HTR1F: variants seen among roughly 807,000 people sequenced by gnomAD.
The protein encoded by HTR1F is 5-hydroxytryptamine (serotonin) receptor 1F, G protein-coupled.
HTR1F carries 17 observed loss-of-function variants against 24.0 expected under a neutral mutation model. The ratio of observed to expected loss-of-function variants is 0.71; its 90% CI spans 0.48 to 1.06. The LOEUF is 1.06. HTR1F is among the 50% of genes least tolerant of loss of function. The pLI, the probability that HTR1F is intolerant of heterozygous loss-of-function variation, is 0.00. For synonymous variants in HTR1F, 186 were observed against 156.8 expected (o/e 1.19, Z -1.39); for missense variants, 391 against 427.8 (o/e 0.91, Z 0.76).
At chr3:87,932,304 C>T (rs1704296579) in intron 2 of HTR1F, among the ~76,000 whole-genome samples, 1 of 152,046 alleles carries the variant, frequency 6.6e-6, no homozygotes, top group Non-Finnish European at 1.5e-5. Flanking sequence ...AATAGGGAAT[C>T]CTTTCCCTAT....
intron 1 of HTR1F, among the ~76,000 whole-genome samples, chr3:87,793,906 C>T (rs1703858450): frequency 6.6e-6 from 1 of 151,482 alleles, no homozygotes; most frequent in African/African-American, 2.4e-5. Context: ...AACCTCTCCC[C>T]CATATTCTGG....
chr3:87,978,603 C>G (rs1705451419), intron 2 of HTR1F, among the ~76,000 whole-genome samples: 1 of 151,946 alleles, frequency 6.6e-6, no homozygotes, highest in Non-Finnish European at 1.5e-5. Flanking sequence ...GGCAGGTCAT[C>G]CTGACATTTG....
intron 2 of HTR1F, among the ~76,000 whole-genome samples, chr3:87,850,547 T>G (rs1279447875): frequency 6.6e-6 from 1 of 151,756 alleles, no homozygotes; most frequent in Non-Finnish European, 1.5e-5. Context: ...ACATAGCACA[T>G]GTATACATAT....
intron 2 of HTR1F, among the ~76,000 whole-genome samples, chr3:87,845,975 G>T (rs935379485): frequency 4.0e-5 from 6 of 151,838 alleles, no homozygotes; most frequent in African/African-American, 1.5e-4. Flanking sequence ...CAACAGACAG[G>T]CAATTCTTTA....
In HTR1F at chr3:87,898,108, G is replaced by C. The variant is rs576981295; in HGVS notation, c.-43+75984G>C. 2.6e-5 allele frequency among the ~76,000 whole-genome samples: 4 copies of C among 152,272 alleles called. No homozygotes were observed. The South Asian group carries it at 8.3e-4, about 32-fold the overall frequency. ...TACAACTAGATGGATAGTTGGATGGGTGTAGGTAAGACAGAGTGGAAATCC... is the reference window on the plus strand; with the variant it reads ...TACAACTAGATGGATAGTTGGATGGCTGTAGGTAAGACAGAGTGGAAATCC... On this transcript the variant is annotated intron_variant, in intron 2 of 2. Transcript: ENST00000319595.
chr3:87,905,742 A>C (rs1352301593), intron 2 of HTR1F, among the ~76,000 whole-genome samples: 1 of 152,134 alleles, frequency 6.6e-6, no homozygotes, highest in Non-Finnish European at 1.5e-5. Context: ...TAGCAAAAAA[A>C]AAAAAAATGG....
intron 2 of HTR1F, among the ~76,000 whole-genome samples, chr3:87,953,131 A>C (rs1383117487): frequency 6.6e-6 from 1 of 151,834 alleles, no homozygotes; most frequent in Admixed American, 6.6e-5. Flanking sequence ...ATTTCAGGAC[A>C]TTAGTCTAAG....
At chr3:87,911,018 G>A (rs1703767243) in intron 2 of HTR1F, among the ~76,000 whole-genome samples, 1 of 151,886 alleles carries the variant, frequency 6.6e-6, no homozygotes, top group South Asian at 2.1e-4. Context: ...CATCAAAAAA[G>A]TGAGAATAAT....
intron 2 of HTR1F, among the ~76,000 whole-genome samples, chr3:87,954,470 C>T (rs554057546): frequency 6.6e-6 from 1 of 151,704 alleles, no homozygotes; most frequent in Admixed American, 6.6e-5. Context: ...TTAGATTAAA[C>T]CTGTTCTAAG....
At chr3:87,881,511 G>A (rs1303788647) in intron 2 of HTR1F, among the ~76,000 whole-genome samples, 2 of 152,092 alleles carry the variant, frequency 1.3e-5, no homozygotes, top group African/African-American at 4.8e-5. Flanking sequence ...GGGAATGGCT[G>A]AAAAAAAGGC....
chr3:87,988,806 T>C lies in HTR1F; in HGVS notation c.-42-1902T>C, dbSNP rs541092802. On this transcript the variant is annotated intron_variant, in intron 2 of 2. Coordinates refer to ENST00000319595, the MANE Select transcript of HTR1F (RefSeq NM_001322209.2). The stretch of plus-strand genomic sequence containing the variant: ...GTTGGCCAGGATGGTCTTGAACTCC[T>C]GACCTCAAGTGATCCCCCTGCCTCA... Among the ~76,000 whole-genome samples, 63 of 152,026 alleles carry C rather than the reference T, an allele frequency of 4.1e-4. 1 individual carries two copies. In the South Asian group the frequency reaches 0.012, roughly 30 times the overall value.
intron 2 of HTR1F, among the ~76,000 whole-genome samples, chr3:87,848,574 T>C (rs1705002001): frequency 6.6e-6 from 1 of 151,870 alleles, no homozygotes; most frequent in South Asian, 2.1e-4. Context: ...ATATAAATGT[T>C]AGGTACAAGA....
At chr3:87,844,816 T>A (rs1411958561) in intron 2 of HTR1F, among the ~76,000 whole-genome samples, 2 of 148,536 alleles carry the variant, frequency 1.3e-5, no homozygotes, top group African/African-American at 5.1e-5. Context: ...TTTTCTCAGG[T>A]TTGTCAAAGA....
chr3:87,799,656 A>T (rs2107062833), intron 1 of HTR1F, among the ~76,000 whole-genome samples: 1 of 152,348 alleles, frequency 6.6e-6, no homozygotes, highest in East Asian at 1.9e-4. Flanking sequence ...GGAAATTGAA[A>T]GGAGAATAAA....
At chr3:87,976,651 A>G (rs1168785712) in intron 2 of HTR1F, among the ~76,000 whole-genome samples, 1 of 152,254 alleles carries the variant, frequency 6.6e-6, no homozygotes, top group Admixed American at 6.5e-5. Context: ...TAAGAAAAAT[A>G]GCTATTGTCA....
At chr3:87,891,988 C>A (rs1287101599) in intron 2 of HTR1F, among the ~76,000 whole-genome samples, 9 of 152,136 alleles carry the variant, frequency 5.9e-5, no homozygotes, top group Admixed American at 2.0e-4. Context: ...TTTCACCCTT[C>A]CACATAGTAG....
chr3:87,987,615 A>AAT (rs10662382), intron 2 of HTR1F, among the ~76,000 whole-genome samples: 67,525 of 110,444 alleles, frequency 0.61, 22,671 homozygotes, highest in South Asian at 0.77. Flanking sequence ...AAAATACGGA[A>AAT]ATATATATAT....
At chr3:87,835,028 A>C (rs890356764) in intron 2 of HTR1F, among the ~76,000 whole-genome samples, 6 of 152,180 alleles carry the variant, frequency 3.9e-5, no homozygotes, top group African/African-American at 1.4e-4. Context: ...ACAAAATGTA[A>C]ATTATGTATC....
At chr3:87,836,230 A>G (rs1398761914) in intron 2 of HTR1F, among the ~76,000 whole-genome samples, 1 of 152,210 alleles carries the variant, frequency 6.6e-6, no homozygotes, top group Non-Finnish European at 1.5e-5. Flanking sequence ...CTGTTACTTT[A>G]GAGATCTGAG....
Sources: allele counts gnomAD v4.1 joint callset (sites outside exome capture counted in the v4.1 genomes callset), GRCh38; gene constraint gnomAD v4.1.1; transcripts MANE v1.5; gene names NCBI Gene and HGNC (gene_info 2026-07-23, HGNC 2026-07-21).